The following EML6 variants were observed in gnomAD, a reference collection of about 807,000 sequenced individuals.
The protein encoded by EML6 is echinoderm microtubule-associated protein-like 6.
EML6 carries 154 observed loss-of-function variants against 240.1 expected under a neutral mutation model. The ratio of observed to expected loss-of-function variants is 0.64; its 90% confidence interval spans 0.56 to 0.73. EML6 has a LOEUF of 0.73. EML6 is among the 30% of genes least tolerant of loss of function. The pLI is 0.00. For missense variants in EML6, 2,964 were observed against 2,474.6 expected, an observed-to-expected ratio of 1.20 and a Z score of -4.20; for synonymous variants, 1,148 against 899.0, an observed-to-expected ratio of 1.28 and a Z score of -4.95.
intron 28 of EML6, among the ~76,000 whole-genome samples, chr2:54,939,026 T>C (rs1285804578): frequency 6.6e-6 from 1 of 152,228 alleles, no homozygotes; most frequent in Admixed American, 6.5e-5. Context: ...TACACTGCTT[T>C]ATCTCTATAA....
At chr2:54,815,259 A>C (rs539978484) in intron 3 of EML6, among the ~76,000 whole-genome samples, 1 of 152,206 alleles carries the variant, frequency 6.6e-6, no homozygotes, top group South Asian at 2.1e-4. Context: ...ATGGTACTTA[A>C]CTGTCAGGTG....
chr2:54,828,925 C>A (rs1340317441), intron 6 of EML6, among the ~76,000 whole-genome samples: 2 of 152,142 alleles, frequency 1.3e-5, no homozygotes, highest in South Asian at 4.1e-4. Flanking sequence ...CACTTTTGTG[C>A]CTATGAAACT....
intron 24 of EML6, among the ~76,000 whole-genome samples, chr2:54,907,813 T>C (rs1162835004): frequency 6.6e-6 from 1 of 152,174 alleles, no homozygotes; most frequent in Admixed American, 6.5e-5. Flanking sequence ...CAATTATAAA[T>C]GCAAACAGAG....
In EML6 at chr2:54,960,400, C is replaced by T. The variant is rs536027270; in HGVS notation, c.4968+66C>T. On this transcript the variant is annotated intron_variant, in intron 35 of 41. Transcript: ENST00000356458. ...GGGGAAGTGTAGGTACCCTCCCAGCCGGCACTTTCTCTGGGCTGGTTTGTT... is the reference window on the plus strand; with the variant it reads ...GGGGAAGTGTAGGTACCCTCCCAGCTGGCACTTTCTCTGGGCTGGTTTGTT... 310 of 1,204,844 alleles carry T rather than the reference C, an allele frequency of 2.6e-4. 2 individuals carry two copies. In the African/African-American group the frequency reaches 3.5e-3, roughly 13 times the overall value. The allele number at this position is 1,204,844 out of a possible 1,614,324, so 74.6% of individuals were successfully genotyped here. A position where few individuals can be genotyped will look rare whatever the true frequency, so the allele number is the denominator to read the frequency against.
At chr2:54,819,604 C>T (rs1048986453) in intron 4 of EML6, among the ~76,000 whole-genome samples, 4 of 151,822 alleles carry the variant, frequency 2.6e-5, no homozygotes, top group Non-Finnish European at 4.4e-5. Context: ...GGTGAAACCC[C>T]GTCTCTACTA....
At chr2:54,935,437 T>G (rs1000471364) in intron 28 of EML6, among the ~76,000 whole-genome samples, 1 of 152,248 alleles carries the variant, frequency 6.6e-6, no homozygotes, top group African/African-American at 2.4e-5. Context: ...TAACTACTTT[T>G]GCGTATGTTT....
At chr2:54,835,062 C>G (rs931880534) in intron 7 of EML6, among the ~76,000 whole-genome samples, 2 of 152,204 alleles carry the variant, frequency 1.3e-5, no homozygotes, top group African/African-American at 4.8e-5. Flanking sequence ...CTCCCTCTGC[C>G]TGTGACACTC....
At chr2:54,954,274 G>A in intron 32 of EML6, 118 bp downstream of exon 32, 2 of 905,650 alleles carry the variant, frequency 2.2e-6, no homozygotes, top group Non-Finnish European at 3.3e-6. Flanking sequence ...GACTGCTGCT[G>A]GGCAAGTGGA....
In EML6 at chr2:54,788,171, G is replaced by A. The variant is rs370315555; in HGVS notation, c.198-25061G>A. 1.5e-3 allele frequency among the ~76,000 whole-genome samples: 231 copies of A among 152,330 alleles called. No individual in the cohort carries two copies. The South Asian group carries it at 0.018, about 12-fold the overall frequency. On this transcript the variant is annotated intron_variant, in intron 2 of 41. Transcript: ENST00000356458. ...TAAAGGCTTAGGTCGCCAGGTTCTC[G>A]CTCACTCGCTCGCTAGCTGCCCACT...
intron 2 of EML6, 114 bp from the exon 3 acceptor site, chr2:54,813,116 ACT>A: frequency 2.7e-6 from 2 of 734,462 alleles, no homozygotes; most frequent in Non-Finnish European, 4.4e-6. Context: ...GACAGTTCAG[ACT>A]CTTTCTCTTG....
At chr2:54,766,375 T>TA (rs1668188231) in intron 2 of EML6, among the ~76,000 whole-genome samples, 1 of 152,236 alleles carries the variant, frequency 6.6e-6, no homozygotes, top group Non-Finnish European at 1.5e-5. Flanking sequence ...TTGTCTTTCA[T>TA]AACCTTGATA....
intron 2 of EML6, among the ~76,000 whole-genome samples, chr2:54,778,332 T>C (rs1312033870): frequency 6.6e-6 from 1 of 152,030 alleles, no homozygotes; most frequent in African/African-American, 2.4e-5. Flanking sequence ...GTGCTAAATA[T>C]AGAAAGAGAA....
rs543623651 is a variant in EML6 at position 54,929,873 on chromosome 2, A to G, written c.4004+1122A>G. 3.7e-4 allele frequency among the ~76,000 whole-genome samples: 56 copies of G among 152,332 alleles called. 1 individual carries two copies. The South Asian group carries it at 7.7e-3, about 21-fold the overall frequency. On this transcript the variant is annotated intron_variant, in intron 28 of 41. Coordinates refer to ENST00000356458, the MANE Select transcript of EML6 (RefSeq NM_001039753.4). ...TACAAAGATCCAGAGCTTTCTTTTA[A>G]GAAAAAATTAGAGATTTTTCTGCAG... is the stretch of plus-strand genomic sequence containing the variant.
intron 28 of EML6, among the ~76,000 whole-genome samples, chr2:54,930,721 T>G (rs1475076416): frequency 1.3e-5 from 2 of 152,068 alleles, no homozygotes; most frequent in Non-Finnish European, 2.9e-5. Flanking sequence ...CTTGACAGCC[T>G]CAATTCCCAG....
intron 2 of EML6, among the ~76,000 whole-genome samples, chr2:54,801,417 GC>G (rs1478965253): frequency 6.6e-6 from 1 of 152,174 alleles, no homozygotes. Flanking sequence ...GTCAGCCTTG[GC>G]CTGAAGTGAT....
intron 10 of EML6, among the ~76,000 whole-genome samples, chr2:54,851,199 A>G (rs1268146815): frequency 6.6e-6 from 1 of 152,108 alleles, no homozygotes; most frequent in Non-Finnish European, 1.5e-5. Flanking sequence ...ACTTGAGGTC[A>G]GGAGTTCGAA....
At chr2:54,941,848 G>T (rs1424743338) in intron 28 of EML6, among the ~76,000 whole-genome samples, 1 of 152,234 alleles carries the variant, frequency 6.6e-6, no homozygotes, top group South Asian at 2.1e-4. Context: ...CCTTCGTTCT[G>T]CAAGAGTTCT....
rs114475712 is a variant in EML6 at position 54,754,729 on chromosome 2, G to T, written c.197+29471G>T. On this transcript the variant is annotated intron_variant, in intron 2 of 41. Coordinates refer to ENST00000356458, the MANE Select transcript of EML6 (RefSeq NM_001039753.4). The stretch of plus-strand genomic sequence containing the variant: ...TTTACTTTATGATTAGTGCTGTCTG[G>T]GTCCTGTTAATGAAATATTTCCCCA... Among the ~76,000 whole-genome samples, 169 of 151,956 alleles carry T rather than the reference G, an allele frequency of 1.1e-3. 1 individual carries two copies. Among genetic ancestry groups the T allele is most frequent in the African/African-American group, 3.8e-3 (159 of 41,418 alleles).
intron 28 of EML6, among the ~76,000 whole-genome samples, chr2:54,943,541 C>T (rs1402751422): frequency 1.3e-5 from 2 of 152,156 alleles, no homozygotes; most frequent in Non-Finnish European, 2.9e-5. Flanking sequence ...GTAGTCTTTT[C>T]TTCATTCTCT....
Sources: gnomAD v4.1 joint callset for allele counts (sites outside exome capture counted in the v4.1 genomes callset) on GRCh38, gnomAD v4.1.1 for gene constraint, MANE v1.5 for transcripts, NCBI Gene and HGNC (gene_info 2026-07-23, HGNC 2026-07-21) for gene names.